The following SDK1 variants were observed in gnomAD, a reference collection of about 807,000 sequenced individuals.
The protein encoded by SDK1 is sidekick cell adhesion molecule 1, also known as protein sidekick-1.
Under a neutral mutation model 245.5 loss-of-function variants are expected in SDK1, and 157 were observed. The ratio of observed to expected loss-of-function variants is 0.64; its 90% CI spans 0.56 to 0.73. SDK1 has a LOEUF of 0.73. Ranked by LOEUF, SDK1 falls within the 30% of genes least tolerant of loss-of-function variation. The probability of loss-of-function intolerance (pLI) is 0.00; values close to 1 mark genes in which losing one functional copy is unlikely to be tolerated. For missense variants in SDK1, 3,583 were observed against 3,002.3 expected (o/e 1.19, Z -4.52); for synonymous variants, 1,647 against 1,278.5 (o/e 1.29, Z -6.15).
At chr7:3,593,859 G>A (rs1290665212) in intron 1 of SDK1, among the ~76,000 whole-genome samples, 2 of 152,126 alleles carry the variant, frequency 1.3e-5, no homozygotes, top group Non-Finnish European at 2.9e-5. Flanking sequence ...CTGTGTGCCC[G>A]TTTTCTCATT....
intron 36 of SDK1, among the ~76,000 whole-genome samples, chr7:4,207,199 C>T (rs576795755): frequency 6.6e-6 from 1 of 152,328 alleles, no homozygotes; most frequent in Admixed American, 6.5e-5. Flanking sequence ...GGCAGGCGTG[C>T]CAGCCCTGGG....
At chr7:3,504,159 C>G (rs1375212519) in intron 1 of SDK1, among the ~76,000 whole-genome samples, 2 of 98,482 alleles carry the variant, frequency 2.0e-5, no homozygotes. Flanking sequence ...CAAAAAAAAA[C>G]CAAAAAAATT....
chr7:3,492,458 C>G (rs930179552), intron 1 of SDK1, among the ~76,000 whole-genome samples: 1 of 152,242 alleles, frequency 6.6e-6, no homozygotes, highest in Admixed American at 6.5e-5. Flanking sequence ...CACGCCACCA[C>G]ACTCCAACCT....
intron 2 of SDK1, among the ~76,000 whole-genome samples, chr7:3,636,506 A>G (rs1402876988): frequency 1.3e-5 from 2 of 152,220 alleles, no homozygotes; most frequent in East Asian, 3.8e-4. Flanking sequence ...ATGAACCTGC[A>G]TGACGTCATG....
intron 14 of SDK1, among the ~76,000 whole-genome samples, chr7:4,010,313 G>A (rs1358367554): frequency 2.0e-5 from 3 of 152,194 alleles, no homozygotes; most frequent in Admixed American, 2.0e-4. Context: ...AGGATCTCCA[G>A]CAGAACCTTC....
intron 1 of SDK1, among the ~76,000 whole-genome samples, chr7:3,555,957 C>G (rs1000567459): frequency 6.6e-6 from 1 of 152,132 alleles, no homozygotes; most frequent in Non-Finnish European, 1.5e-5. Flanking sequence ...AATCCTCATA[C>G]ACTATCGGTG....
chr7:3,736,931 AT>A (rs1470298252), intron 4 of SDK1, among the ~76,000 whole-genome samples: 2 of 152,216 alleles, frequency 1.3e-5, no homozygotes, highest in East Asian at 3.8e-4. Context: ...TTTGACGAAC[AT>A]CTGTGCCTCA....
intron 1 of SDK1, among the ~76,000 whole-genome samples, chr7:3,558,000 C>A (rs1779640107): frequency 6.7e-6 from 1 of 150,060 alleles, no homozygotes; most frequent in Non-Finnish European, 1.5e-5. Context: ...GTTTCCCTCC[C>A]CCACCCCCCG....
intron 5 of SDK1, among the ~76,000 whole-genome samples, chr7:3,950,577 T>A (rs1206377980): frequency 6.6e-6 from 1 of 152,150 alleles, no homozygotes; most frequent in Admixed American, 6.5e-5. Context: ...TTATGACAGG[T>A]GTGTATGCAG....
At chr7:3,653,440 A>G (rs1029959759) in intron 4 of SDK1, among the ~76,000 whole-genome samples, 8 of 152,128 alleles carry the variant, frequency 5.3e-5, no homozygotes, top group African/African-American at 1.9e-4. Context: ...CCAAGATTGC[A>G]TGGAGGGGCA....
chr7:3,462,401 C>T (rs1460443077), intron 1 of SDK1, among the ~76,000 whole-genome samples: 1 of 152,118 alleles, frequency 6.6e-6, no homozygotes, highest in Non-Finnish European at 1.5e-5. Flanking sequence ...GTTAGCATTT[C>T]CCAAAGCTAG....
chr7:3,878,607 A>G (rs1367829408), intron 5 of SDK1, among the ~76,000 whole-genome samples: 1 of 152,196 alleles, frequency 6.6e-6, no homozygotes, highest in Admixed American at 6.5e-5. Context: ...TTAACACTGT[A>G]TTTATCGGAA....
intron 1 of SDK1, among the ~76,000 whole-genome samples, chr7:3,478,839 CG>C (rs142093315): frequency 0.015 from 2,277 of 151,868 alleles, 31 homozygotes; most frequent in African/African-American, 0.025. Context: ...TAAATGTGTA[CG>C]TTTTTTTCTA....
rs547717709 is a variant in SDK1 at position 4,192,153 on chromosome 7, G to A, written c.5098+13567G>A. Among the ~76,000 whole-genome samples the A allele has an allele frequency of 2.6e-5, 4 of 152,324 alleles. No homozygotes were observed. In the East Asian group the frequency reaches 5.8e-4, roughly 22 times the overall value. ...CTCACAGTTGGCCTTAGTGTGCTTC[G>A]TAGATACTGTGTCAGTTACAGATGG... On this transcript the variant is annotated intron_variant, in intron 35 of 44. Transcript: ENST00000404826.
chr7:3,332,670 C>G (rs1018404117), intron 1 of SDK1, among the ~76,000 whole-genome samples: 3 of 152,058 alleles, frequency 2.0e-5, no homozygotes, highest in Admixed American at 2.0e-4. Flanking sequence ...TTAGTAGAGG[C>G]TAGAAGAACT....
Position 3,633,026 on chromosome 7 carries a change from T to C in SDK1, c.459-5978T>C, listed in dbSNP as rs1435286495. ...CCATTCCAAAAAGAGAATTGATGTATTTCCAAGAAGGACATAAATGGCTTA... is the reference window on the plus strand; with the variant it reads ...CCATTCCAAAAAGAGAATTGATGTACTTCCAAGAAGGACATAAATGGCTTA... On this transcript the variant is annotated intron_variant, in intron 2 of 44. Coordinates refer to ENST00000404826, the MANE Select transcript of SDK1 (RefSeq NM_152744.4). Among the ~76,000 whole-genome samples, 4 of 152,208 alleles carry C rather than the reference T, an allele frequency of 2.6e-5. No individual in the cohort carries two copies. The East Asian group carries it at 7.7e-4, about 29-fold the overall frequency.
At chr7:3,358,390 A>C (rs1205912801) in intron 1 of SDK1, among the ~76,000 whole-genome samples, 1 of 150,654 alleles carries the variant, frequency 6.6e-6, no homozygotes, top group African/African-American at 2.4e-5. Context: ...TGTTTTAATG[A>C]GGGGCAAATA....
At position 4,041,756 on chromosome 7, in the gene SDK1, C is replaced by T. The variant is rs1349330082; in HGVS notation, c.2603-7592C>T. Among the ~76,000 whole-genome samples, 6 of 136,138 alleles carry T rather than the reference C, an allele frequency of 4.4e-5. 1 individual carries two copies. Among genetic ancestry groups the T allele is most frequent in the East Asian group, 1.9e-4 (1 of 5,136 alleles). The allele number at this position is 136,138 out of a possible 152,430, so 89.3% of individuals were successfully genotyped here. A position where few individuals can be genotyped will look rare whatever the true frequency, so the allele number is the denominator to read the frequency against. On this transcript the variant is annotated intron_variant, in intron 17 of 44. Transcript: ENST00000404826. Reference sequence around the variant, plus strand: ...TGAGGAATGTTTAATGCATGCGTGTCGTGAAAACACAGCATATATATAGTG... The same window carrying T: ...TGAGGAATGTTTAATGCATGCGTGTTGTGAAAACACAGCATATATATAGTG...
In SDK1 at chr7:3,961,350, T is replaced by C. The variant is rs556561925; in HGVS notation, c.1235-1307T>C. ...AACATAATTAAGGCAAAGAAGAGAA[T>C]CTAGGAAGACATTATCTTGAGTTAT... On this transcript the variant is annotated intron_variant, in intron 8 of 44. Coordinates refer to ENST00000404826, the MANE Select transcript of SDK1 (RefSeq NM_152744.4). Among the ~76,000 whole-genome samples the C allele has an allele frequency of 2.0e-5, 3 of 152,340 alleles. No homozygotes were observed. The South Asian group carries it at 6.2e-4, about 32-fold the overall frequency.
Sources: allele counts gnomAD v4.1 joint callset (sites outside exome capture counted in the v4.1 genomes callset), GRCh38; gene constraint gnomAD v4.1.1; transcripts MANE v1.5; gene names NCBI Gene and HGNC (gene_info 2026-07-23, HGNC 2026-07-21).